ATF2: variants seen among roughly 807,000 people sequenced by gnomAD.
ATF2 encodes the protein cyclic AMP-dependent transcription factor ATF-2.
A neutral mutation model predicts 60.6 loss-of-function variants in ATF2; 24 were observed. The observed-to-expected ratio is 0.40, with a 90% CI of 0.29 to 0.56. The LOEUF is 0.56. ATF2 is among the 20% of genes least tolerant of loss of function. The pLI is 0.54. For missense variants in ATF2, 433 were observed against 607.7 expected, an observed-to-expected ratio of 0.71 and a Z score of 3.02; for synonymous variants, 206 against 215.4, an observed-to-expected ratio of 0.96 and a Z score of 0.38.
chr2:175,109,417 T>G (rs1430247443), intron 10 of ATF2, among the ~76,000 whole-genome samples: 1 of 152,200 alleles, frequency 6.6e-6, no homozygotes, highest in African/African-American at 2.4e-5. Context: ...ATTCTATAAC[T>G]AATCTATGGT....
At chr2:175,108,434 C>T (rs1320870848) in intron 10 of ATF2, among the ~76,000 whole-genome samples, 4 of 150,990 alleles carry the variant, frequency 2.6e-5, no homozygotes, top group East Asian at 4.0e-4. Flanking sequence ...AGCCCCCGCC[C>T]GGCCAGCAGC....
chr2:175,121,807 G>A (rs1475146702), intron 4 of ATF2, among the ~76,000 whole-genome samples: 1 of 151,228 alleles, frequency 6.6e-6, no homozygotes, highest in Non-Finnish European at 1.5e-5. Context: ...AAAATTGGAG[G>A]CAAAGAAACT....
chr2:175,106,053 C>CA (rs1695640213), intron 10 of ATF2, among the ~76,000 whole-genome samples: 1 of 151,568 alleles, frequency 6.6e-6, no homozygotes, highest in African/African-American at 2.4e-5. Flanking sequence ...TTAAGAAACC[C>CA]AAAAAAGATA....
At chr2:175,129,346 TG>T (rs1319563476) in intron 4 of ATF2, among the ~76,000 whole-genome samples, 1 of 152,084 alleles carries the variant, frequency 6.6e-6, no homozygotes, top group East Asian at 1.9e-4. Context: ...AGGAAACTTT[TG>T]GGTGATTGTA....
intron 12 of ATF2, among the ~76,000 whole-genome samples, chr2:175,091,500 G>A (rs1374434155): frequency 1.3e-5 from 2 of 151,842 alleles, no homozygotes; most frequent in Non-Finnish European, 2.9e-5. Flanking sequence ...CCTACAGTCT[G>A]TACTATTAAA....
At chr2:175,163,617 T>G (rs1700155813) in intron 1 of ATF2, among the ~76,000 whole-genome samples, 2 of 151,528 alleles carry the variant, frequency 1.3e-5, no homozygotes, top group Admixed American at 1.3e-4. Context: ...AATGTCAAAA[T>G]GCCAAGGAAA....
intron 12 of ATF2, among the ~76,000 whole-genome samples, chr2:175,082,745 T>C (rs1693847012): frequency 6.6e-6 from 1 of 152,166 alleles, no homozygotes. Flanking sequence ...CCATATGAAA[T>C]AACCAGTATT....
intron 2 of ATF2, among the ~76,000 whole-genome samples, chr2:175,142,014 T>C (rs1477055726): frequency 6.6e-5 from 10 of 151,836 alleles, no homozygotes; most frequent in Admixed American, 6.6e-4. Context: ...AGCAAATCCC[T>C]GAAAATTCTA....
intron 13 of ATF2, among the ~76,000 whole-genome samples, chr2:175,077,146 C>G (rs906351399): frequency 6.6e-6 from 1 of 151,992 alleles, no homozygotes; most frequent in African/African-American, 2.4e-5. Context: ...TTTATGGCTG[C>G]ATAGTATTCC....
At chr2:175,139,039 C>T (rs62184516) in intron 2 of ATF2, among the ~76,000 whole-genome samples, 5,831 of 152,290 alleles carry the variant, frequency 0.038, 133 homozygotes, top group Admixed American at 0.093. Flanking sequence ...ACCTACCTCA[C>T]AGTTGTTGTA....
intron 4 of ATF2, among the ~76,000 whole-genome samples, chr2:175,123,291 G>A (rs1182556093): frequency 1.3e-5 from 2 of 151,946 alleles, no homozygotes. Flanking sequence ...TCTTTGTATT[G>A]CTGTTTTAAA....
intron 5 of ATF2, among the ~76,000 whole-genome samples, chr2:175,120,687 AT>A (rs1696894667): frequency 6.6e-6 from 1 of 151,738 alleles, no homozygotes; most frequent in African/African-American, 2.4e-5. Flanking sequence ...GACACAAAGG[AT>A]CTGAAATTTA....
At chr2:175,153,450 T>C (rs927327208) in intron 1 of ATF2, among the ~76,000 whole-genome samples, 1 of 152,206 alleles carries the variant, frequency 6.6e-6, no homozygotes, top group Non-Finnish European at 1.5e-5. Context: ...GATGTTACTG[T>C]ACTGAATACT....
rs144945121 is a variant in ATF2, at chr2:175,132,318, AT to A, written c.33-2112del. On this transcript the variant is annotated intron_variant, in intron 3 of 13. Coordinates refer to ENST00000264110, the MANE Select transcript of ATF2 (RefSeq NM_001880.4). ...CTCAGGGAGAAAGCAGATGCTGCAG[AT>A]TTTTTTCGGATACTCTTTATCAGAT... 4.6e-3 allele frequency among the ~76,000 whole-genome samples: 706 copies of A among 152,238 alleles called. 4 individuals are homozygous for A. Among genetic ancestry groups the A allele is most frequent in the African/African-American group, 0.016 (654 of 41,540 alleles).
At chr2:175,159,100 T>C (rs945717440) in intron 1 of ATF2, among the ~76,000 whole-genome samples, 2 of 152,054 alleles carry the variant, frequency 1.3e-5, no homozygotes, top group African/African-American at 4.8e-5. Context: ...GGCAGACTGC[T>C]TGAGGTCAGG....
In ATF2 at chr2:175,140,765, G is replaced by A. The variant is rs558368498; in HGVS notation, c.-43-4279C>T. Among the ~76,000 whole-genome samples, 5 of 148,896 alleles carry A rather than the reference G, an allele frequency of 3.4e-5. No homozygotes were observed. The East Asian group carries it at 8.0e-4, about 24-fold the overall frequency. ...GCACTTTGGGGTGCCGAGGCAGAAGGATCAGAGGCCAGGAGTTCAAGACCA... is the reference window on the plus strand; with the variant it reads ...GCACTTTGGGGTGCCGAGGCAGAAGAATCAGAGGCCAGGAGTTCAAGACCA... On this transcript the variant is annotated intron_variant, in intron 2 of 13. Coordinates refer to ENST00000264110, the MANE Select transcript of ATF2 (RefSeq NM_001880.4).
At chr2:175,078,352 C>T (rs905574858) in intron 13 of ATF2, among the ~76,000 whole-genome samples, 2 of 152,098 alleles carry the variant, frequency 1.3e-5, no homozygotes, top group Non-Finnish European at 2.9e-5. Context: ...ATTATAGAGA[C>T]AATTATAATA....
chr2:175,135,207 C>G (rs372747619), intron 3 of ATF2, among the ~76,000 whole-genome samples: 4 of 151,974 alleles, frequency 2.6e-5, no homozygotes, highest in Non-Finnish European at 5.9e-5. Context: ...TTTTTAAAAC[C>G]ATTAGGAGAA....
chr2:175,083,031 T>A (rs1311021030), intron 12 of ATF2, among the ~76,000 whole-genome samples: 1 of 152,008 alleles, frequency 6.6e-6, no homozygotes, highest in Non-Finnish European at 1.5e-5. Flanking sequence ...TCCATGCTCA[T>A]GGGTAGGAAG....
Sources: gnomAD v4.1 joint callset for allele counts (sites outside exome capture counted in the v4.1 genomes callset) on GRCh38, gnomAD v4.1.1 for gene constraint, MANE v1.5 for transcripts, NCBI Gene and HGNC (gene_info 2026-07-23, HGNC 2026-07-21) for gene names.